Variants in PIGN observed in about 807,000 individuals in gnomAD.
PIGN encodes GPI ethanolamine phosphate transferase 1.
PIGN carries 117 observed loss-of-function variants against 125.4 expected under a neutral mutation model. The observed-to-expected ratio is 0.93, with a 90% CI of 0.80 to 1.09. PIGN has a LOEUF of 1.09. Ranked by LOEUF, PIGN falls within the 50% of genes least tolerant of loss-of-function variation. PIGN has a pLI of 0.00. For missense variants in PIGN, 1,075 were observed against 1,094.9 expected (o/e 0.98, Z 0.26); for synonymous variants, 392 against 377.8 (o/e 1.04, Z -0.44).
chr18:62,051,636 T>A (rs1416229637), intron 30 of PIGN, among the ~76,000 whole-genome samples: 1 of 152,182 alleles, frequency 6.6e-6, no homozygotes, highest in African/African-American at 2.4e-5. Context: ...ATTTTGTTGA[T>A]CCTTTCAAAA....
intron 22 of PIGN, among the ~76,000 whole-genome samples, chr18:62,096,511 ATTTTCTTT>A (rs2034196868): frequency 4.5e-5 from 2 of 44,048 alleles, no homozygotes; most frequent in Non-Finnish European, 8.2e-5. Flanking sequence ...AAAATGAATT[ATTTTCTTT>A]TTTTTTTTTT....
intron 30 of PIGN, chr18:62,059,257 T>C (rs62095272): frequency 6.7e-6 from 1 of 149,354 alleles, no homozygotes; most frequent in Non-Finnish European, 1.5e-5. Flanking sequence ...AGAGATGAGA[T>C]GAGTGAAGGA....
downstream of PIGN, among the ~76,000 whole-genome samples, chr18:62,036,802 C>T (rs2030267603): frequency 6.6e-6 from 1 of 152,174 alleles, no homozygotes; most frequent in Non-Finnish European, 1.5e-5. Flanking sequence ...CATGTCTGGC[C>T]ACTCAGCATT....
chr18:62,033,306 G>C (rs1386774607), intron 23 of PIGN, among the ~76,000 whole-genome samples: 1 of 152,160 alleles, frequency 6.6e-6, no homozygotes, highest in African/African-American at 2.4e-5. Flanking sequence ...AAAATCACTG[G>C]ATTTGTAAAG....
intron 23 of PIGN, among the ~76,000 whole-genome samples, chr18:62,093,919 T>C (rs1236810921): frequency 6.6e-6 from 1 of 152,138 alleles, no homozygotes; most frequent in Non-Finnish European, 1.5e-5. Flanking sequence ...GATACTCTTT[T>C]TAATTTTTTT....
chr18:62,120,082 C>A (rs2035241939), intron 14 of PIGN, among the ~76,000 whole-genome samples: 1 of 151,998 alleles, frequency 6.6e-6, no homozygotes, highest in Non-Finnish European at 1.5e-5. Context: ...ATGAAAGATA[C>A]TAATCCACAG....
intron 23 of PIGN, among the ~76,000 whole-genome samples, chr18:62,018,422 T>G (rs2030009182): frequency 6.6e-6 from 1 of 152,222 alleles, no homozygotes; most frequent in Non-Finnish European, 1.5e-5. Flanking sequence ...GTGCTTGGAA[T>G]TATTCTTTTC....
chr18:62,034,686 C>A (rs1021153985), intron 23 of PIGN, among the ~76,000 whole-genome samples: 2 of 152,150 alleles, frequency 1.3e-5, no homozygotes, highest in Non-Finnish European at 2.9e-5. Context: ...TCGTTTTGGC[C>A]AACTTCTCCC....
chr18:62,162,085 C>G (rs1348497780), intron 3 of PIGN, among the ~76,000 whole-genome samples, 168 bp downstream of exon 3: 1 of 152,054 alleles, frequency 6.6e-6, no homozygotes, highest in African/African-American at 2.4e-5. Context: ...TTTATCCACT[C>G]AATAAAAATG....
intron 11 of PIGN, among the ~76,000 whole-genome samples, chr18:62,141,485 G>A (rs548704010): frequency 3.9e-5 from 6 of 152,240 alleles, no homozygotes; most frequent in South Asian, 2.1e-4. Context: ...AGATACGTTC[G>A]CTAGTCCCTC....
intron 23 of PIGN, among the ~76,000 whole-genome samples, chr18:62,028,550 G>A (rs746279): frequency 1.3e-5 from 2 of 152,184 alleles, no homozygotes; most frequent in Admixed American, 6.5e-5. Flanking sequence ...ATTTTTAGAA[G>A]CAAGTTTCTA....
At chr18:62,047,793 C>G (rs971455043) in intron 30 of PIGN, among the ~76,000 whole-genome samples, 2 of 152,092 alleles carry the variant, frequency 1.3e-5, no homozygotes, top group Non-Finnish European at 2.9e-5. Context: ...AAATCACTCA[C>G]CACATCAAGA....
chr18:62,171,287 C>T (rs938885735), intron 1 of PIGN, among the ~76,000 whole-genome samples: 1 of 151,974 alleles, frequency 6.6e-6, no homozygotes, highest in Non-Finnish European at 1.5e-5. Context: ...TCAATTTCTC[C>T]TTGTTAATTC....
At chr18:62,127,666 A>T (rs1259858506) in intron 14 of PIGN, among the ~76,000 whole-genome samples, 1 of 141,238 alleles carries the variant, frequency 7.1e-6, no homozygotes, top group Non-Finnish European at 1.5e-5. Flanking sequence ...AACAACTGCA[A>T]CAGTCTGGTT....
At chr18:62,172,773 C>T (rs2037385156) in intron 1 of PIGN, among the ~76,000 whole-genome samples, 1 of 152,084 alleles carries the variant, frequency 6.6e-6, no homozygotes. Flanking sequence ...AGTAACAAAA[C>T]ATTTTATTTC....
intron 7 of PIGN, among the ~76,000 whole-genome samples, chr18:62,152,932 T>C (rs543115297): frequency 2.0e-5 from 3 of 152,060 alleles, no homozygotes; most frequent in Admixed American, 6.5e-5. Context: ...ATCTGGAAAC[T>C]GTTTGGCTTG....
chr18:62,145,015 G>T (rs533974989), intron 10 of PIGN, among the ~76,000 whole-genome samples: 4 of 151,098 alleles, frequency 2.6e-5, no homozygotes, highest in Admixed American at 6.6e-5. Context: ...TGGCGGGGGG[G>T]GGGGGGCAGG....
intron 14 of PIGN, among the ~76,000 whole-genome samples, chr18:62,132,572 T>C (rs2035777610): frequency 6.6e-6 from 1 of 152,150 alleles, no homozygotes; most frequent in South Asian, 2.1e-4. Flanking sequence ...TCAGGCACAG[T>C]AGCTCACACC....
At chr18:62,094,917 G>C (rs2034113957) in intron 23 of PIGN, among the ~76,000 whole-genome samples, 1 of 152,152 alleles carries the variant, frequency 6.6e-6, no homozygotes, top group African/African-American at 2.4e-5. Flanking sequence ...TGGGGTCTAG[G>C]TCACTTAGGG....
Sources: allele counts gnomAD v4.1 joint callset (sites outside exome capture counted in the v4.1 genomes callset), GRCh38; gene constraint gnomAD v4.1.1; transcripts MANE v1.5; gene names NCBI Gene and HGNC (gene_info 2026-07-23, HGNC 2026-07-21).